SLC35F3: variants seen among roughly 807,000 people sequenced by gnomAD.
SLC35F3 encodes solute carrier family 35 member F3.
In SLC35F3, 25 loss-of-function variants were observed where a neutral mutation model predicts 49.9. That is an observed-to-expected ratio of 0.50 (90% CI 0.37 to 0.70). SLC35F3 has a LOEUF of 0.70. Ranked by LOEUF, SLC35F3 falls within the 30% of genes least tolerant of loss-of-function variation. SLC35F3 has a pLI of 0.00. For missense variants in SLC35F3, 525 were observed against 639.8 expected (o/e 0.82, Z 1.94); for synonymous variants, 275 against 265.4 (o/e 1.04, Z -0.35).
intron 4 of SLC35F3, among the ~76,000 whole-genome samples, chr1:234,314,274 C>G (rs1657430808): frequency 6.6e-6 from 1 of 152,180 alleles, no homozygotes; most frequent in Non-Finnish European, 1.5e-5. Flanking sequence ...CCCCCTTGTC[C>G]CTTCCCCCAG....
rs548615895 is a variant in SLC35F3, at chr1:234,231,795, G to A, written c.608+54G>A. On this transcript the variant is annotated intron_variant, in intron 3 of 7. Transcript: ENST00000366618. This position sits in a 1 kb window ranked among gnomAD's most constrained non-coding sequence, Gnocchi z 5.4. Reference sequence around the variant, plus strand: ...CTGACCCCGGGCTGCTCCATCCAGCGCTGACTCTGCAGAGCTGCCCCTGGT... The same window carrying A: ...CTGACCCCGGGCTGCTCCATCCAGCACTGACTCTGCAGAGCTGCCCCTGGT... 8.0e-6 allele frequency: 12 copies of A among 1,509,074 alleles called. No homozygotes were observed. The highest frequency in any genetic ancestry group is 7.3e-5 in the Admixed American group (4 of 54,694). 93.5% of individuals were successfully genotyped at this position (1,509,074 alleles called of 1,614,324 possible). A position where few individuals can be genotyped will look rare whatever the true frequency, so the allele number is the denominator to read the frequency against.
chr1:234,179,017 A>G (rs906298002), intron 2 of SLC35F3, among the ~76,000 whole-genome samples: 10 of 152,162 alleles, frequency 6.6e-5, no homozygotes, highest in African/African-American at 2.4e-4. Flanking sequence ...GAACATGGAA[A>G]CGTGCACAGA....
intron 5 of SLC35F3, among the ~76,000 whole-genome samples, chr1:234,318,508 A>G (rs1446134791): frequency 6.6e-6 from 1 of 152,202 alleles, no homozygotes; most frequent in Admixed American, 6.5e-5. Context: ...CAAACCTAGT[A>G]TGAAAACCCA....
At chr1:234,309,946 C>G (rs1016175949) in intron 4 of SLC35F3, among the ~76,000 whole-genome samples, 1 of 152,160 alleles carries the variant, frequency 6.6e-6, no homozygotes, top group Non-Finnish European at 1.5e-5. Flanking sequence ...ACAACCGAGA[C>G]CCAGTCAATT....
At chr1:234,288,975 C>A (rs982988511) in intron 3 of SLC35F3, among the ~76,000 whole-genome samples, 1 of 152,168 alleles carries the variant, frequency 6.6e-6, no homozygotes, top group Non-Finnish European at 1.5e-5. Context: ...CTCTGGCTTC[C>A]TCAATCACTT....
In SLC35F3 at chr1:234,185,618, TC is replaced by T. The variant is rs533490501; in HGVS notation, c.284-45795del. Reference sequence around the variant, plus strand: ...TCCTGGATGCTGAGCTGACTGCTCCTCCCCTGGGGCCACTCTGAAAAGCCAT... The same window carrying T: ...TCCTGGATGCTGAGCTGACTGCTCCTCCCTGGGGCCACTCTGAAAAGCCAT... On this transcript the variant is annotated intron_variant, in intron 2 of 7. Coordinates refer to ENST00000366618, the MANE Select transcript of SLC35F3 (RefSeq NM_173508.4). Among the ~76,000 whole-genome samples the T allele has an allele frequency of 3.1e-4, 47 of 152,272 alleles. No individual in the cohort carries two copies. The East Asian group carries it at 6.6e-3, about 21-fold the overall frequency.
chr1:233,990,233 C>T (rs1663330274), intron 2 of SLC35F3, among the ~76,000 whole-genome samples: 2 of 152,100 alleles, frequency 1.3e-5, no homozygotes, highest in East Asian at 1.9e-4. Flanking sequence ...ACATAATTTA[C>T]GTAAAAGTGA....
chr1:234,230,635 G>C (rs1189916450), intron 2 of SLC35F3, among the ~76,000 whole-genome samples: 1 of 152,166 alleles, frequency 6.6e-6, no homozygotes, highest in East Asian at 1.9e-4. Flanking sequence ...TCTGGTCTGC[G>C]GGAACAACAC....
At chr1:234,194,580 C>A (rs1251283226) in intron 2 of SLC35F3, among the ~76,000 whole-genome samples, 2 of 151,718 alleles carry the variant, frequency 1.3e-5, no homozygotes, top group Non-Finnish European at 2.9e-5. Flanking sequence ...CACCTGTTCC[C>A]CCTCAAACCT....
At chr1:233,963,734 G>A (rs1281392224) in intron 2 of SLC35F3, among the ~76,000 whole-genome samples, 3 of 152,204 alleles carry the variant, frequency 2.0e-5, no homozygotes, top group Non-Finnish European at 4.4e-5. Flanking sequence ...TGTGGGGGAG[G>A]TGAAGGTCAT....
intron 3 of SLC35F3, among the ~76,000 whole-genome samples, chr1:234,292,276 AG>A (rs1668521620): frequency 6.6e-6 from 1 of 152,236 alleles, no homozygotes; most frequent in Non-Finnish European, 1.5e-5. Context: ...GCCTCTCAGC[AG>A]TGGCCCTCTA....
chr1:233,951,055 GA>G (rs1662599249), intron 2 of SLC35F3, among the ~76,000 whole-genome samples: 1 of 151,806 alleles, frequency 6.6e-6, no homozygotes, highest in Admixed American at 6.6e-5. Flanking sequence ...TTATTGGCCA[GA>G]AATGCTTTTC....
intron 2 of SLC35F3, among the ~76,000 whole-genome samples, chr1:233,928,069 GA>G (rs1662187960): frequency 6.6e-6 from 1 of 152,026 alleles, no homozygotes; most frequent in African/African-American, 2.4e-5. Context: ...GAAGACCTCT[GA>G]TAAACCCTTC....
chr1:234,319,902 T>A (rs774747810), intron 6 of SLC35F3, among the ~76,000 whole-genome samples, 196 bp from the exon 7 acceptor site: 13 of 152,092 alleles, frequency 8.5e-5, no homozygotes, highest in Admixed American at 7.2e-4. Context: ...AGGGGCTGAG[T>A]ACTCAGAGTG....
chr1:233,964,845 A>C (rs1400768810), intron 2 of SLC35F3, among the ~76,000 whole-genome samples: 1 of 152,202 alleles, frequency 6.6e-6, no homozygotes, highest in Non-Finnish European at 1.5e-5. Flanking sequence ...TCTTGAGGAC[A>C]TGTTACCAAC....
At chr1:234,273,256 T>C (rs79146265) in intron 3 of SLC35F3, among the ~76,000 whole-genome samples, 9,089 of 152,276 alleles carry the variant, frequency 0.06, 328 homozygotes, top group African/African-American at 0.096. Context: ...ATTTTTACTA[T>C]CCCTTATACA....
intron 2 of SLC35F3, among the ~76,000 whole-genome samples, chr1:233,930,448 G>A (rs1332731994): frequency 6.6e-6 from 1 of 152,188 alleles, no homozygotes; most frequent in East Asian, 1.9e-4. Context: ...GGTGAGATGA[G>A]AACTATTGAA....
chr1:234,061,156 A>G (rs1195695312), intron 2 of SLC35F3, among the ~76,000 whole-genome samples: 2 of 152,110 alleles, frequency 1.3e-5, no homozygotes, highest in African/African-American at 4.8e-5. Context: ...CTTGTCTTCT[A>G]GCAACAAATT....
intron 2 of SLC35F3, among the ~76,000 whole-genome samples, chr1:233,914,848 T>C (rs1411794610): frequency 6.6e-6 from 1 of 152,208 alleles, no homozygotes; most frequent in Admixed American, 6.5e-5. Flanking sequence ...TGTTTCATTA[T>C]CTTACTGCAC....
Sources: gnomAD v4.1 joint callset for allele counts (sites outside exome capture counted in the v4.1 genomes callset) on GRCh38, gnomAD v4.1.1 for gene constraint, Gnocchi (gnomAD v3.1) non-coding constraint, MANE v1.5 for transcripts, NCBI Gene and HGNC (gene_info 2026-07-23, HGNC 2026-07-21) for gene names.